The following UNC5D variants were observed in gnomAD, a reference collection of about 807,000 sequenced individuals.
UNC5D encodes the protein unc-5 netrin receptor D, also known as netrin receptor UNC5D.
A neutral mutation model predicts 105.4 loss-of-function variants in UNC5D; 39 were observed. That is an observed-to-expected ratio of 0.37 (90% CI 0.29 to 0.48). The LOEUF (loss-of-function observed/expected upper bound fraction) is 0.48, where lower values mean the gene tolerates loss of function less well. UNC5D is among the 20% of genes least tolerant of loss of function. The pLI is 0.98. For synonymous variants in UNC5D, 452 were observed against 450.4 expected, an observed-to-expected ratio of 1.00 and a Z score of -0.04; for missense variants, 991 against 1,202.4, an observed-to-expected ratio of 0.82 and a Z score of 2.60.
chr8:35,679,350 C>A (rs1825497902), intron 4 of UNC5D, among the ~76,000 whole-genome samples: 1 of 151,988 alleles, frequency 6.6e-6, no homozygotes, highest in South Asian at 2.1e-4. Flanking sequence ...TTAGGTAAGG[C>A]CTCTGTGAAG....
chr8:35,384,230 AC>A (rs1803239620), intron 1 of UNC5D, among the ~76,000 whole-genome samples: 1 of 149,852 alleles, frequency 6.7e-6, no homozygotes, highest in Non-Finnish European at 1.5e-5. Context: ...AAAAAAAAAA[AC>A]AAAAAAAAAC....
At chr8:35,387,365 A>AAAAAAG in intron 1 of UNC5D, among the ~76,000 whole-genome samples, 1 of 149,576 alleles carries the variant, frequency 6.7e-6, no homozygotes, top group East Asian at 2.0e-4. Flanking sequence ...TCCATCTCAA[A>AAAAAAG]AAAAAAAAAA....
intron 8 of UNC5D, among the ~76,000 whole-genome samples, chr8:35,710,891 C>G (rs1484297586): frequency 6.6e-6 from 1 of 151,464 alleles, no homozygotes; most frequent in African/African-American, 2.4e-5. Context: ...ATCCTGATCA[C>G]ATTACATTCC....
intron 1 of UNC5D, among the ~76,000 whole-genome samples, chr8:35,272,369 AC>A (rs1469345467): frequency 2.0e-5 from 3 of 152,098 alleles, no homozygotes; most frequent in Non-Finnish European, 4.4e-5. Context: ...CACTGGTCAC[AC>A]CCTGGGCATC....
chr8:35,722,331 C>A lies in UNC5D; in HGVS notation c.1239C>A (p.Asp413Glu). 6.2e-7 allele frequency: 1 copy of A among 1,614,120 alleles called. No individual in the cohort carries two copies. Among genetic ancestry groups the A allele is most frequent in the Non-Finnish European group, 8.5e-7 (1 of 1,180,012 alleles). ...GGAGCCAGAGTGACTATGGCGTGGA[C>A]GTCATTGACTCTTCTGCATTGACAG... Reference protein sequence around the residue: ...YRRSQSDYGVDVIDSSALTGG... With the variant: ...YRRSQSDYGVEVIDSSALTGG... Residue 413 changes from aspartate (D) to glutamate (E), a missense_variant, in exon 9 of 17, where the codon GAC (aspartate) becomes GAA (glutamate). Physicochemically the swap from Asp to Glu is conservative, Grantham distance 45. Around this residue, in one of 3 missense-constraint regions of UNC5D, gnomAD observed 944 missense variants for 1,131.6 expected, o/e 0.83. Transcript: ENST00000404895.
intron 15 of UNC5D, among the ~76,000 whole-genome samples, chr8:35,768,506 T>C (rs555568237): frequency 3.3e-5 from 5 of 152,156 alleles, no homozygotes; most frequent in South Asian, 4.1e-4. Context: ...GAAGGAAGCA[T>C]GAAAAGGCAT....
At chr8:35,413,784 T>C (rs146001317) in intron 1 of UNC5D, among the ~76,000 whole-genome samples, 94 of 152,192 alleles carry the variant, frequency 6.2e-4, no homozygotes, top group African/African-American at 2.1e-3. Context: ...AGAAAGTGGA[T>C]GAAAAAGGAG....
At chr8:35,524,663 G>A (rs1278851228) in intron 1 of UNC5D, among the ~76,000 whole-genome samples, 144 of 132,478 alleles carry the variant, frequency 1.1e-3, no homozygotes, top group African/African-American at 1.1e-3. Flanking sequence ...AAAGAAAAAA[G>A]AAAAAAGAAA....
At chr8:35,460,286 A>G (rs1808798826) in intron 1 of UNC5D, among the ~76,000 whole-genome samples, 1 of 152,118 alleles carries the variant, frequency 6.6e-6, no homozygotes, top group Non-Finnish European at 1.5e-5. Flanking sequence ...TGCTTTCCCT[A>G]GAAGAGGTTA....
chr8:35,523,747 A>G (rs1363233171), intron 1 of UNC5D, among the ~76,000 whole-genome samples: 5 of 96,946 alleles, frequency 5.2e-5, no homozygotes, highest in African/African-American at 2.1e-4. Flanking sequence ...GGCCAAAAAA[A>G]TAGTAGTTAA....
chr8:35,774,114 G>A (rs1365298803), intron 15 of UNC5D, among the ~76,000 whole-genome samples, 185 bp from the exon 16 acceptor site: 1 of 152,114 alleles, frequency 6.6e-6, no homozygotes, highest in Non-Finnish European at 1.5e-5. Context: ...AATTTATTAG[G>A]CTACTAGAGA....
Position 35,678,418 on chromosome 8 carries a change from GATAA to G in UNC5D, c.571-5123_571-5120del, listed in dbSNP as rs1490275844. ...AAATTTGAAAATCACTGTGCTACATGATAAATAAAAGAGATTTTTTTTAAGCTAA... is the reference window on the plus strand; with the variant it reads ...AAATTTGAAAATCACTGTGCTACATGATAAAAGAGATTTTTTTTAAGCTAA... On this transcript the variant is annotated intron_variant, in intron 4 of 16. Transcript: ENST00000404895. Among the ~76,000 whole-genome samples, 4 of 152,188 alleles carry G rather than the reference GATAA, an allele frequency of 2.6e-5. No homozygotes were observed. The East Asian group carries it at 5.8e-4, about 22-fold the overall frequency.
intron 1 of UNC5D, among the ~76,000 whole-genome samples, chr8:35,511,871 G>A (rs1235471174): frequency 1.3e-5 from 2 of 152,166 alleles, no homozygotes; most frequent in Non-Finnish European, 2.9e-5. Flanking sequence ...CAAGCTGTCT[G>A]ACTCTAAAAC....
At chr8:35,487,593 A>ACACACACACACACACACACACCCCC (rs1415748793) in intron 1 of UNC5D, among the ~76,000 whole-genome samples, 105 of 150,584 alleles carry the variant, frequency 7.0e-4, no homozygotes, top group African/African-American at 2.5e-3. Flanking sequence ...ACACACACAC[A>ACACACACACACACACACACACCCCC]CCCCACAGAC....
chr8:35,688,025 G>A (rs551283660), intron 7 of UNC5D, among the ~76,000 whole-genome samples: 3 of 151,858 alleles, frequency 2.0e-5, no homozygotes, highest in East Asian at 3.9e-4. Flanking sequence ...CCAGCTACTC[G>A]GGAGGTTGAA....
chr8:35,640,874 TTCAG>T (rs1014617620), intron 4 of UNC5D, among the ~76,000 whole-genome samples: 9 of 152,230 alleles, frequency 5.9e-5, no homozygotes, highest in East Asian at 1.9e-4. Flanking sequence ...GTTAGTTTTC[TTCAG>T]TCATTTAAAC....
chr8:35,641,394 A>G (rs1822729807), intron 4 of UNC5D, among the ~76,000 whole-genome samples: 7 of 151,426 alleles, frequency 4.6e-5, no homozygotes, highest in Admixed American at 4.6e-4. Context: ...AAGAAAAAAA[A>G]AAACAGCATC....
chr8:35,718,451 A>G (rs1286420058), intron 8 of UNC5D, among the ~76,000 whole-genome samples: 2 of 152,104 alleles, frequency 1.3e-5, no homozygotes, highest in African/African-American at 4.8e-5. Context: ...TCTAAAATCA[A>G]CCTAAGACTG....
chr8:35,521,747 T>C (rs1813495908), intron 1 of UNC5D, among the ~76,000 whole-genome samples: 1 of 152,216 alleles, frequency 6.6e-6, no homozygotes, highest in Non-Finnish European at 1.5e-5. Context: ...TATTCTTCCT[T>C]CCGAAGTGTT....
Sources: allele counts gnomAD v4.1 joint callset (sites outside exome capture counted in the v4.1 genomes callset), GRCh38; gene constraint gnomAD v4.1.1; regional missense constraint gnomAD v4.1.1; transcripts MANE v1.5; gene names NCBI Gene and HGNC (gene_info 2026-07-23, HGNC 2026-07-21).